Variants in PLCG2 observed in about 807,000 individuals in gnomAD.
The protein encoded by PLCG2 is 1-phosphatidylinositol 4,5-bisphosphate phosphodiesterase gamma-2.
PLCG2 carries 69 observed loss-of-function variants against 175.6 expected under a neutral mutation model. That is an observed-to-expected ratio of 0.39 (90% CI 0.32 to 0.48). The LOEUF is 0.48. Among genes scored for constraint, PLCG2 ranks in the 20% least tolerant of loss-of-function variants. PLCG2 has a pLI of 0.91. For synonymous variants in PLCG2, 827 were observed against 624.0 expected, an observed-to-expected ratio of 1.33 and a Z score of -4.85; for missense variants, 1,798 against 1,650.9, an observed-to-expected ratio of 1.09 and a Z score of -1.54.
chr16:81,845,534 A>C (rs1420310324), intron 2 of PLCG2, among the ~76,000 whole-genome samples: 1 of 152,206 alleles, frequency 6.6e-6, no homozygotes, highest in Non-Finnish European at 1.5e-5. Flanking sequence ...CAGGTTCCAG[A>C]GTCTGTCCAC....
intron 1 of PLCG2, among the ~76,000 whole-genome samples, chr16:81,750,146 G>A (rs953292014): frequency 1.3e-5 from 2 of 152,142 alleles, no homozygotes; most frequent in Non-Finnish European, 2.9e-5. Flanking sequence ...GGTGGCTCAT[G>A]CCTGTAATCC....
chr16:81,860,204 AC>A (rs1906911916), intron 5 of PLCG2, among the ~76,000 whole-genome samples: 1 of 125,604 alleles, frequency 8.0e-6, no homozygotes, highest in South Asian at 2.5e-4. Flanking sequence ...GTGAAGTCTT[AC>A]CCAGACATTT....
chr16:81,915,095 G>A (rs1045601199), intron 19 of PLCG2, among the ~76,000 whole-genome samples: 1 of 152,188 alleles, frequency 6.6e-6, no homozygotes, highest in Admixed American at 6.5e-5. Context: ...GCACTGAGGA[G>A]GTTTGAGCAC....
chr16:81,807,166 G>T (rs1341309690), intron 2 of PLCG2, among the ~76,000 whole-genome samples: 1 of 152,048 alleles, frequency 6.6e-6, no homozygotes, highest in South Asian at 2.1e-4. Context: ...GTTGAACGTG[G>T]TGATTCATGT....
intron 2 of PLCG2, among the ~76,000 whole-genome samples, chr16:81,840,580 C>T (rs536179500): frequency 1.3e-4 from 20 of 152,332 alleles, no homozygotes; most frequent in African/African-American, 4.3e-4. Context: ...ATTAGATTCT[C>T]ATAAAGAGTG....
intron 5 of PLCG2, among the ~76,000 whole-genome samples, chr16:81,865,664 T>C (rs4077797): frequency 0.72 from 109,718 of 151,830 alleles, 40,707 homozygotes; most frequent in East Asian, 0.99. Context: ...CCTGGCCTCT[T>C]CCTTGCTCCC....
At chr16:81,906,513 C>A (rs1430751406) in intron 15 of PLCG2, 1 of 152,238 alleles carries the variant, frequency 6.6e-6, no homozygotes. Flanking sequence ...CAGACTCCAC[C>A]TCCCGGTTGA....
At chr16:81,946,902 AAGC>A (rs1911173537) in intron 31 of PLCG2, among the ~76,000 whole-genome samples, 1 of 17,556 alleles carries the variant, frequency 5.7e-5, no homozygotes, top group Non-Finnish European at 1.6e-4. Context: ...TTGCTTAGTG[AAGC>A]AGACCCTTTG....
chr16:81,840,364 G>T (rs1235156009), intron 2 of PLCG2, among the ~76,000 whole-genome samples: 1 of 152,216 alleles, frequency 6.6e-6, no homozygotes, highest in African/African-American at 2.4e-5. Context: ...CCATGGGCCA[G>T]ATTGGCCTGG....
At chr16:81,795,547 CTG>C (rs1911429510) in intron 2 of PLCG2, among the ~76,000 whole-genome samples, 1 of 152,224 alleles carries the variant, frequency 6.6e-6, no homozygotes, top group Admixed American at 6.5e-5. Context: ...CAATGGGACT[CTG>C]TGCTATCATC....
intron 5 of PLCG2, among the ~76,000 whole-genome samples, chr16:81,859,483 C>T (rs1175631134): frequency 1.3e-5 from 2 of 152,232 alleles, no homozygotes; most frequent in East Asian, 1.9e-4. Flanking sequence ...TGGCACCAGC[C>T]CATGCTTTGT....
chr16:81,792,538 C>G (rs952097533), intron 2 of PLCG2, among the ~76,000 whole-genome samples: 78 of 121,980 alleles, frequency 6.4e-4, no homozygotes, highest in Non-Finnish European at 1.1e-3. Context: ...AACAAGCAAA[C>G]AAAACCCAAG....
At chr16:81,772,922 C>G (rs530711343) in intron 2 of PLCG2, among the ~76,000 whole-genome samples, 47 of 152,344 alleles carry the variant, frequency 3.1e-4, no homozygotes, top group African/African-American at 9.9e-4. Flanking sequence ...CTGCCTGGTG[C>G]AGCCTATGAC....
intron 2 of PLCG2, among the ~76,000 whole-genome samples, chr16:81,793,332 G>A (rs569669686): frequency 6.6e-6 from 1 of 152,344 alleles, no homozygotes; most frequent in East Asian, 1.9e-4. Flanking sequence ...CAGTCTTCAG[G>A]TGGGAAGGGG....
chr16:81,938,773 G>C (rs761304255), intron 28 of PLCG2, 28 bp from the exon 29 acceptor site: 1 of 1,435,676 alleles, frequency 7.0e-7, no homozygotes, highest in Admixed American at 1.7e-5. Flanking sequence ...CCCCAGGGGG[G>C]TTCCAATGCT....
rs187538611 is a variant in PLCG2, at chr16:81,746,713, G to C, written c.-145+7328G>C. Among the ~76,000 whole-genome samples, 5 of 152,254 alleles carry C rather than the reference G, an allele frequency of 3.3e-5. No individual in the cohort carries two copies. The East Asian group carries it at 9.6e-4, about 29-fold the overall frequency. On this transcript the variant is annotated intron_variant, in intron 1 of 5. Transcript: ENST00000565054. ...GTAAACAGGCAGTTTAACCTCCCAA[G>C]CATCTGTAAAGTGGGCATATTAATA...
intron 13 of PLCG2, chr16:81,898,275 C>G (rs1373445697): frequency 6.5e-6 from 1 of 153,018 alleles, no homozygotes; most frequent in Non-Finnish European, 1.5e-5. Context: ...GTTTTGGCAG[C>G]AAAAGCCATC....
At chr16:81,863,195 A>G (rs1334104966) in intron 5 of PLCG2, among the ~76,000 whole-genome samples, 1 of 152,212 alleles carries the variant, frequency 6.6e-6, no homozygotes, top group Non-Finnish European at 1.5e-5. Flanking sequence ...ATTAAGCAGT[A>G]ACTCCCCATT....
In PLCG2 at chr16:81,854,384, C is replaced by T; in HGVS notation, c.194-60C>T. 4.0e-6 allele frequency: 6 copies of T among 1,512,100 alleles called. 1 individual carries two copies. In the South Asian group the frequency reaches 4.6e-5, roughly 11 times the overall value. 93.7% of individuals were successfully genotyped at this position (1,512,100 alleles called of 1,614,324 possible). On this transcript the variant is annotated intron_variant, in intron 2 of 32. Coordinates refer to ENST00000564138, the MANE Select transcript of PLCG2 (RefSeq NM_002661.5). ...CTGTGCCTGGGCTGCAGTTGTGTGG[C>T]TGCATCCTCAGGTGGAGGGAACTCC...
Sources: gnomAD v4.1 joint callset for allele counts (sites outside exome capture counted in the v4.1 genomes callset) on GRCh38, gnomAD v4.1.1 for gene constraint, MANE v1.5 for transcripts, NCBI Gene and HGNC (gene_info 2026-07-23, HGNC 2026-07-21) for gene names.